The following SAMD12 variants were observed in gnomAD, a reference collection of about 807,000 sequenced individuals.
SAMD12 encodes the protein sterile alpha motif domain-containing protein 12.
Under a neutral mutation model 15.0 loss-of-function variants are expected in SAMD12, and 9 were observed. That is an observed-to-expected ratio of 0.60 (90% CI 0.36 to 1.05). The LOEUF (loss-of-function observed/expected upper bound fraction) is 1.05. Ranked by LOEUF, SAMD12 falls within the 50% of genes least tolerant of loss-of-function variation. SAMD12 has a pLI of 0.01. For missense variants in SAMD12, 230 were observed against 234.2 expected, an observed-to-expected ratio of 0.98 and a Z score of 0.12; for synonymous variants, 86 against 90.1, an observed-to-expected ratio of 0.96 and a Z score of 0.25.
At chr8:118,239,235 T>C (rs1176463750) in intron 4 of SAMD12, among the ~76,000 whole-genome samples, 1 of 152,142 alleles carries the variant, frequency 6.6e-6, no homozygotes, top group East Asian at 1.9e-4. Context: ...TTAGATATAT[T>C]CATACATGTA....
chr8:118,478,476 A>C (rs1026507377), intron 2 of SAMD12, among the ~76,000 whole-genome samples: 16 of 152,234 alleles, frequency 1.1e-4, no homozygotes, highest in Non-Finnish European at 2.4e-4. Context: ...AAACCCAAGG[A>C]AAGGGAGGGA....
chr8:118,266,901 T>C (rs775502783), intron 4 of SAMD12, among the ~76,000 whole-genome samples: 37 of 152,128 alleles, frequency 2.4e-4, no homozygotes, highest in Non-Finnish European at 4.3e-4. Flanking sequence ...GAAATAAATC[T>C]AAGAGATCCA....
At chr8:118,317,350 T>C (rs960076797) in intron 4 of SAMD12, among the ~76,000 whole-genome samples, 3 of 152,176 alleles carry the variant, frequency 2.0e-5, no homozygotes, top group African/African-American at 7.2e-5. Flanking sequence ...ACGTGTCCAG[T>C]TATAGTCAGA....
the SAMD12 span, among the ~76,000 whole-genome samples, chr8:118,153,107 CAGTT>C: frequency 6.6e-6 from 1 of 152,192 alleles, no homozygotes; most frequent in Non-Finnish European, 1.5e-5. Flanking sequence ...GTGTCTGTGT[CAGTT>C]AGTTTTCACT....
rs887702749 is a variant in SAMD12, at chr8:118,589,290, A to T, written c.14-8397T>A. 2.0e-5 allele frequency among the ~76,000 whole-genome samples: 3 copies of T among 152,344 alleles called. No individual in the cohort carries two copies. The East Asian group carries it at 5.8e-4, about 29-fold the overall frequency. On this transcript the variant is annotated intron_variant, in intron 1 of 3. Transcript: ENST00000314727. ...ACCTACATGACTGTTCAGCACAGCC[A>T]GACGTTCAAACCACATGCAGCAGTG...
At position 118,621,786 on chromosome 8, in the gene SAMD12, G is replaced by GC; in HGVS notation, c.13+17dup. 1 of 1,613,756 alleles carries GC rather than the reference G, an allele frequency of 6.2e-7. No homozygotes were observed. The highest frequency in any genetic ancestry group is 1.1e-5 in the South Asian group (1 of 91,078). On this transcript the variant is annotated intron_variant, in intron 1 of 3. Coordinates refer to ENST00000314727, the MANE Select transcript of SAMD12 (RefSeq NM_207506.3). Reference sequence around the variant, plus strand: ...GCGGGTTAAGAGGGAGCTTAAAAATGCCCCAAGCGTCCCTTACCTTCCACA... The same window carrying GC: ...GCGGGTTAAGAGGGAGCTTAAAAATGCCCCCAAGCGTCCCTTACCTTCCACA...
intron 1 of SAMD12, among the ~76,000 whole-genome samples, chr8:118,588,402 G>A (rs1827503573): frequency 6.6e-6 from 1 of 152,110 alleles, no homozygotes; most frequent in Admixed American, 6.6e-5. Context: ...AATCCATCCT[G>A]CTGTTTGTTT....
intron 2 of SAMD12, among the ~76,000 whole-genome samples, chr8:118,469,312 A>G (rs1408236550): frequency 6.7e-6 from 1 of 148,488 alleles, no homozygotes; most frequent in African/African-American, 2.5e-5. Context: ...TATTTCATCC[A>G]TTTCATAAAT....
intron 4 of SAMD12, among the ~76,000 whole-genome samples, chr8:118,292,747 G>T (rs1023986023): frequency 6.6e-5 from 10 of 151,942 alleles, no homozygotes; most frequent in East Asian, 1.9e-4. Flanking sequence ...TCATGTCCTT[G>T]GTAGGGACAT....
chr8:118,156,585 A>C, the SAMD12 span, among the ~76,000 whole-genome samples: 1 of 152,196 alleles, frequency 6.6e-6, no homozygotes, highest in African/African-American at 2.4e-5. Context: ...TATATTTACC[A>C]ATTCTTATAT....
At chr8:118,395,228 T>A (rs908076763) in intron 3 of SAMD12, among the ~76,000 whole-genome samples, 1 of 152,132 alleles carries the variant, frequency 6.6e-6, no homozygotes, top group African/African-American at 2.4e-5. Context: ...GTATGGTACA[T>A]CCATGCCAAT....
intron 2 of SAMD12, among the ~76,000 whole-genome samples, chr8:118,548,624 T>C (rs1826212263): frequency 6.6e-6 from 1 of 152,152 alleles, no homozygotes; most frequent in African/African-American, 2.4e-5. Context: ...ATTTCTGCAT[T>C]TTCATCTGAG....
At chr8:118,353,909 G>A (rs891589616) in intron 4 of SAMD12, among the ~76,000 whole-genome samples, 5 of 152,076 alleles carry the variant, frequency 3.3e-5, no homozygotes, top group South Asian at 2.1e-4. Flanking sequence ...CCCCGCTTGC[G>A]CCTGACAGTT....
chr8:118,366,899 T>TAAAATAAA (rs1818828588), intron 4 of SAMD12, among the ~76,000 whole-genome samples: 1 of 90,474 alleles, frequency 1.1e-5, no homozygotes, highest in Admixed American at 1.0e-4. Context: ...TAAAATAAAA[T>TAAAATAAA]AAAATAAAAT....
intron 1 of SAMD12, among the ~76,000 whole-genome samples, chr8:118,604,615 T>C (rs1479559790): frequency 6.6e-6 from 1 of 152,146 alleles, no homozygotes; most frequent in African/African-American, 2.4e-5. Context: ...AAATAATATA[T>C]TGATGATTAC....
intron 4 of SAMD12, among the ~76,000 whole-genome samples, chr8:118,336,373 A>G (rs1817065552): frequency 6.6e-6 from 1 of 152,214 alleles, no homozygotes; most frequent in Admixed American, 6.5e-5. Context: ...AACCTTTCAA[A>G]GCTTCTTTTG....
intron 2 of SAMD12, among the ~76,000 whole-genome samples, chr8:118,558,336 T>A (rs1563583653): frequency 6.6e-6 from 1 of 152,180 alleles, no homozygotes; most frequent in Non-Finnish European, 1.5e-5. Flanking sequence ...TAATACTTTC[T>A]TCTATGATTG....
chr8:118,296,292 G>GATT, intron 4 of SAMD12, among the ~76,000 whole-genome samples: 1 of 152,218 alleles, frequency 6.6e-6, no homozygotes. Context: ...GTTTGTTCTT[G>GATT]ATTTCTTCAA....
chr8:118,284,294 A>C (rs1020574435), intron 4 of SAMD12: 13 of 456,200 alleles, frequency 2.8e-5, no homozygotes, highest in African/African-American at 1.0e-4. Flanking sequence ...CCTGGCTTGC[A>C]GCAGAACTGG....
Sources: allele counts gnomAD v4.1 joint callset (sites outside exome capture counted in the v4.1 genomes callset), GRCh38; gene constraint gnomAD v4.1.1; transcripts MANE v1.5; gene names NCBI Gene and HGNC (gene_info 2026-07-23, HGNC 2026-07-21).